Variants in MSH3 observed in about 807,000 individuals in gnomAD.
The protein encoded by MSH3 is mutS homolog 3, also known as DNA mismatch repair protein Msh3.
MSH3 carries 106 observed loss-of-function variants against 123.3 expected under a neutral mutation model. The observed-to-expected ratio is 0.86, with a 90% CI of 0.73 to 1.01. The LOEUF (loss-of-function observed/expected upper bound fraction) is 1.01. MSH3 is among the 50% of genes least tolerant of loss of function. The pLI, the probability that MSH3 is intolerant of heterozygous loss-of-function variation, is 0.00. For synonymous variants in MSH3, 515 were observed against 481.4 expected (o/e 1.07, Z -0.91); for missense variants, 1,459 against 1,347.6 (o/e 1.08, Z -1.29).
chr5:80,686,189 A>G (rs1620258), intron 8 of MSH3, among the ~76,000 whole-genome samples: 38,298 of 152,144 alleles, frequency 0.25, 4,931 homozygotes, highest in Middle Eastern at 0.32. Context: ...AATATCTATT[A>G]GGATCATTTG....
At chr5:80,715,613 G>A (rs1337613792) in intron 8 of MSH3, among the ~76,000 whole-genome samples, 1 of 152,088 alleles carries the variant, frequency 6.6e-6, no homozygotes, top group Non-Finnish European at 1.5e-5. Context: ...ATAAAGAAAA[G>A]AGGTTTAATT....
At chr5:80,779,816 G>A (rs1439683325) in intron 17 of MSH3, among the ~76,000 whole-genome samples, 2 of 150,230 alleles carry the variant, frequency 1.3e-5, no homozygotes, top group African/African-American at 4.9e-5. Flanking sequence ...CGCCCTCCTC[G>A]GCCTCCCAAA....
At chr5:80,799,429 T>TA (rs1403216598) in intron 19 of MSH3, among the ~76,000 whole-genome samples, 1 of 144,206 alleles carries the variant, frequency 6.9e-6, no homozygotes, top group Non-Finnish European at 1.5e-5. Flanking sequence ...GCAGCTGTTA[T>TA]AAAAATAGTT....
At chr5:80,748,486 T>A (rs917219887) in intron 12 of MSH3, among the ~76,000 whole-genome samples, 1 of 152,226 alleles carries the variant, frequency 6.6e-6, no homozygotes, top group Non-Finnish European at 1.5e-5. Context: ...TTTTTTCTTA[T>A]GTGTTCTCAC....
chr5:80,732,011 G>T (rs3852191), intron 10 of MSH3, among the ~76,000 whole-genome samples: 6,152 of 152,190 alleles, frequency 0.04, 248 homozygotes, highest in Admixed American at 0.13. Context: ...CATTAGAATA[G>T]AATTTTAGAT....
chr5:80,751,146 C>A (rs528522252), intron 12 of MSH3, among the ~76,000 whole-genome samples: 3 of 152,090 alleles, frequency 2.0e-5, no homozygotes, highest in African/African-American at 2.4e-5. Context: ...CCAAAATAAA[C>A]TCATACTAAC....
At chr5:80,817,108 G>T (rs1745117331) in intron 20 of MSH3, among the ~76,000 whole-genome samples, 2 of 152,168 alleles carry the variant, frequency 1.3e-5, no homozygotes, top group South Asian at 2.1e-4. Flanking sequence ...AAACTGCCAA[G>T]ATTTCATAGT....
chr5:80,819,466 G>GTATA (rs3073812), intron 20 of MSH3, among the ~76,000 whole-genome samples: 44 of 145,794 alleles, frequency 3.0e-4, no homozygotes, highest in Non-Finnish European at 2.8e-4. Context: ...GTGTGTGTGT[G>GTATA]TATATATATA....
chr5:80,808,863 A>ATATATATATATCTATATATATATC lies in MSH3; in HGVS notation c.2656-4710_2656-4709insCTATATATATATCTATATATATAT, dbSNP rs1171295488. On this transcript the variant is annotated intron_variant, in intron 19 of 23. Coordinates refer to ENST00000265081, the MANE Select transcript of MSH3 (RefSeq NM_002439.5). Reference sequence around the variant, plus strand: ...TTTGGGTAATATATCTTCTTCATATATATATATATATATATATATACACAA... The same window carrying ATATATATATATCTATATATATATC: ...TTTGGGTAATATATCTTCTTCATATATATATATATATCTATATATATATCTATATATATATATATATATACACAA... 9.9e-4 allele frequency among the ~76,000 whole-genome samples: 118 copies of ATATATATATATCTATATATATATC among 119,362 alleles called. 2 individuals are homozygous for ATATATATATATCTATATATATATC. The highest frequency in any genetic ancestry group is 2.4e-3 in the Admixed American group (26 of 10,860). The allele number at this position is 119,362 out of a possible 152,430, so 78.3% of individuals were successfully genotyped here.
At chr5:80,873,648 T>C (rs1746260440) in intron 23 of MSH3, among the ~76,000 whole-genome samples, 1 of 152,222 alleles carries the variant, frequency 6.6e-6, no homozygotes, top group African/African-American at 2.4e-5. Flanking sequence ...TATTCAGATA[T>C]GCAACGATTA....
chr5:80,664,374 T>C (rs896299096), intron 2 of MSH3, among the ~76,000 whole-genome samples: 1 of 152,102 alleles, frequency 6.6e-6, no homozygotes, highest in African/African-American at 2.4e-5. Context: ...TAGTAAGATT[T>C]CCCAGTCAAG....
intron 17 of MSH3, 83 bp downstream of exon 17, chr5:80,778,919 G>A: frequency 1.2e-6 from 1 of 802,534 alleles, no homozygotes; most frequent in Admixed American, 1.8e-5. Context: ...AAAGAAAATA[G>A]AGATTACAGC....
intron 13 of MSH3, 43 bp downstream of exon 13, chr5:80,761,721 G>GC: frequency 6.2e-7 from 1 of 1,610,456 alleles, no homozygotes. Flanking sequence ...GTGTTCTTCA[G>GC]CTTGAGGACA....
At chr5:80,696,290 C>T (rs1366640700) in intron 8 of MSH3, among the ~76,000 whole-genome samples, 1 of 152,168 alleles carries the variant, frequency 6.6e-6, no homozygotes, top group African/African-American at 2.4e-5. Flanking sequence ...CTGACACTGA[C>T]ACAATCCCAA....
intron 8 of MSH3, 79 bp from the exon 9 acceptor site, chr5:80,725,370 TTTCC>T: frequency 1.1e-6 from 1 of 875,574 alleles, no homozygotes; most frequent in Non-Finnish European, 1.9e-6. Context: ...ATCTTTTTTT[TTTCC>T]TCTTCTGGCC....
chr5:80,845,281 G>A (rs185482004), intron 20 of MSH3, among the ~76,000 whole-genome samples: 3 of 152,294 alleles, frequency 2.0e-5, no homozygotes, highest in Admixed American at 2.0e-4. Context: ...CTGTTAGTCT[G>A]ATGGGCTTCC....
chr5:80,690,963 A>G (rs370512524), intron 8 of MSH3, among the ~76,000 whole-genome samples: 128 of 152,102 alleles, frequency 8.4e-4, no homozygotes, highest in African/African-American at 2.7e-3. Flanking sequence ...TCCAATTCCT[A>G]TCATGTTTGT....
At position 80,654,800 on chromosome 5, in the gene MSH3, A is replaced by G. The variant is rs746455200; in HGVS notation, c.73A>G (p.Ser25Gly). 6.2e-7 allele frequency: 1 copy of G among 1,606,716 alleles called. No homozygotes were observed. The highest frequency in any genetic ancestry group is 8.5e-7 in the Non-Finnish European group (1 of 1,177,300). The stretch of plus-strand genomic sequence containing the variant: ...AGCCCCTGCGAGGCAAGCGGTTTTG[A>G]GCCGATTCTTCCAGTCTACGGGAAG... ...SSAPARQAVL[S>G]RFFQSTGSLK... The change falls in exon 1 of 24, where the codon AGC becomes GGC. Residue 25 changes from serine (S) to glycine (G), a missense_variant. By Grantham distance (56) the Ser-to-Gly change is moderately conservative (BLOSUM62 0). Coordinates refer to ENST00000265081, the MANE Select transcript of MSH3 (RefSeq NM_002439.5).
chr5:80,793,837 C>T (rs183932992), intron 19 of MSH3, among the ~76,000 whole-genome samples: 1 of 152,266 alleles, frequency 6.6e-6, no homozygotes, highest in East Asian at 1.9e-4. Flanking sequence ...GAAGTTATGG[C>T]AGGGTGTTTG....
Sources: allele counts gnomAD v4.1 joint callset (sites outside exome capture counted in the v4.1 genomes callset), GRCh38; gene constraint gnomAD v4.1.1; transcripts MANE v1.5; gene names NCBI Gene and HGNC (gene_info 2026-07-23, HGNC 2026-07-21).